Variants in AIG1 observed in about 807,000 individuals in gnomAD.
AIG1 encodes androgen induced 1, also known as androgen-induced gene 1 protein.
AIG1 carries 23 observed loss-of-function variants against 31.4 expected under a neutral mutation model. That is an observed-to-expected ratio of 0.73 (90% CI 0.53 to 1.04). The LOEUF is 1.04. Ranked by LOEUF, AIG1 falls within the 50% of genes least tolerant of loss-of-function variation. The pLI is 0.00. For synonymous variants in AIG1, 100 were observed against 110.5 expected, an observed-to-expected ratio of 0.90 and a Z score of 0.60; for missense variants, 274 against 295.0, an observed-to-expected ratio of 0.93 and a Z score of 0.52.
At chr6:143,067,766 G>C (rs573379039) in intron 1 of AIG1, among the ~76,000 whole-genome samples, 1 of 152,262 alleles carries the variant, frequency 6.6e-6, no homozygotes, top group South Asian at 2.1e-4. Flanking sequence ...AAGGCCAGTA[G>C]TTTATTGAGT....
chr6:143,291,219 T>A lies in AIG1; in HGVS notation c.515+6994T>A, dbSNP rs1397178723. 2.2e-4 allele frequency among the ~76,000 whole-genome samples: 33 copies of A among 152,174 alleles called. No homozygotes were observed. The highest frequency in any genetic ancestry group is 2.1e-3 in the Admixed American group (32 of 15,280). ...CCGCCTGTGATCCCATCATTGTACA[T>A]GTCAAAGTTTCTTGTAGATCTGGTT... On this transcript the variant is annotated intron_variant, in intron 4 of 5. Coordinates refer to ENST00000357847, the MANE Select transcript of AIG1 (RefSeq NM_016108.4). This position sits in a 1 kb window ranked among gnomAD's most constrained non-coding sequence, Gnocchi z 4.2.
At position 143,077,690 on chromosome 6, in the gene AIG1, G is replaced by T. The variant is rs576155040; in HGVS notation, c.141+16624G>T. On this transcript the variant is annotated intron_variant, in intron 1 of 5. Transcript: ENST00000357847. ...ATGGTTTTATAAGTTTACTTTGGTA[G>T]GAGTGTGCTGAGCTTCTTGAATCTC... Among the ~76,000 whole-genome samples, 20 of 152,284 alleles carry T rather than the reference G, an allele frequency of 1.3e-4. No individual in the cohort carries two copies. The South Asian group carries it at 3.9e-3, about 30-fold the overall frequency.
chr6:143,201,393 C>A (rs1790687734), intron 3 of AIG1, among the ~76,000 whole-genome samples: 1 of 151,980 alleles, frequency 6.6e-6, no homozygotes, highest in African/African-American at 2.4e-5. Flanking sequence ...AAAGGTAAAT[C>A]TTTCTGATGT....
rs528121708 is a variant in AIG1, at chr6:143,114,040, C to G, written c.142-22795C>G. On this transcript the variant is annotated intron_variant, in intron 1 of 5. Coordinates refer to ENST00000357847, the MANE Select transcript of AIG1 (RefSeq NM_016108.4). ...CCGCCTGCCTCGACCTCCCAAAGTG[C>G]TAGGATTACAGGTGTGAGCCACCGC... Among the ~76,000 whole-genome samples, 33 of 152,280 alleles carry G rather than the reference C, an allele frequency of 2.2e-4. No homozygotes were observed. The South Asian group carries it at 6.6e-3, about 31-fold the overall frequency.
intron 3 of AIG1, among the ~76,000 whole-genome samples, chr6:143,242,077 C>A (rs1220345604): frequency 6.6e-6 from 1 of 152,026 alleles, no homozygotes; most frequent in African/African-American, 2.4e-5. Flanking sequence ...TGATCTCTGT[C>A]GACACGTCTC....
At chr6:143,174,105 T>TC (rs747959617) in intron 3 of AIG1, among the ~76,000 whole-genome samples, 36 of 152,320 alleles carry the variant, frequency 2.4e-4, no homozygotes, top group Non-Finnish European at 4.4e-4. Context: ...TTTTGATATT[T>TC]CCCTGTTGAA....
At chr6:143,201,295 A>C (rs1280974824) in intron 3 of AIG1, among the ~76,000 whole-genome samples, 1 of 151,730 alleles carries the variant, frequency 6.6e-6, no homozygotes, top group Non-Finnish European at 1.5e-5. Context: ...GGAGTTCGAG[A>C]CTGTAGTGAG....
At chr6:143,263,868 A>G (rs1352463088) in intron 3 of AIG1, among the ~76,000 whole-genome samples, 2 of 152,322 alleles carry the variant, frequency 1.3e-5, no homozygotes, top group Non-Finnish European at 1.5e-5. Flanking sequence ...TAGGGAAAAT[A>G]TATTTGTTTA....
rs141359452 is a variant in AIG1 at position 143,209,551 on chromosome 6, A to T, written c.399+44368A>T. 5.9e-3 allele frequency among the ~76,000 whole-genome samples: 904 copies of T among 152,274 alleles called. 31 individuals are homozygous for T. The highest frequency in any genetic ancestry group is 0.052 in the Admixed American group (802 of 15,296). On this transcript the variant is annotated intron_variant, in intron 3 of 5. Transcript: ENST00000357847. ...TCACTGGCCATTGCTGGTTCTGAAG[A>T]TGGAGGAGGGGGCAATGAACCAAGG...
rs548759569 is a variant in AIG1 at position 143,303,246 on chromosome 6, A to C, written c.515+19021A>C. 5.8e-3 allele frequency among the ~76,000 whole-genome samples: 875 copies of C among 151,114 alleles called. 5 individuals carry two copies. Among genetic ancestry groups the C allele is most frequent in the African/African-American group, 0.019 (792 of 41,244 alleles). On this transcript the variant is annotated intron_variant, in intron 4 of 5. Transcript: ENST00000357847. ...TGAGTTTAATTAGATCCCATTTGTC[A>C]ATTTTGGCTTTTGTTGCCATTGCTT...
chr6:143,187,397 C>G (rs1309090358), intron 3 of AIG1: 2 of 1,535,454 alleles, frequency 1.3e-6, no homozygotes, highest in Non-Finnish European at 1.7e-6. Flanking sequence ...GCTATAGCAA[C>G]TAGATTCCAC....
At chr6:143,266,918 G>T (rs972100168) in intron 3 of AIG1, among the ~76,000 whole-genome samples, 1 of 151,748 alleles carries the variant, frequency 6.6e-6, no homozygotes, top group Non-Finnish European at 1.5e-5. Context: ...TCCAGCCTGG[G>T]TAAGAATTCA....
At chr6:143,307,548 G>A (rs549992464) in intron 4 of AIG1, among the ~76,000 whole-genome samples, 33 of 152,292 alleles carry the variant, frequency 2.2e-4, no homozygotes, top group East Asian at 5.8e-4. Context: ...CTGTCTGATC[G>A]TTCCTCTGGA....
chr6:143,084,276 G>T (rs377521098), intron 1 of AIG1, among the ~76,000 whole-genome samples: 1 of 152,222 alleles, frequency 6.6e-6, no homozygotes, highest in African/African-American at 2.4e-5. Context: ...CCCTGGGGCA[G>T]TGGGCCTTCC....
In AIG1 at chr6:143,328,688, C is replaced by T. The variant is rs1357668354; in HGVS notation, c.516-4594C>T. On this transcript the variant is annotated intron_variant, in intron 4 of 5. Transcript: ENST00000357847. This position sits in a 1 kb window ranked among gnomAD's most constrained non-coding sequence, Gnocchi z 4.0. ...TTCATATAAGCCATTTACTTTGTAT[C>T]ATTTGTGAGTAACAAAGCACTCAGA... Among the ~76,000 whole-genome samples, 1 of 152,096 alleles carries T rather than the reference C, an allele frequency of 6.6e-6. No homozygotes were observed. The highest frequency in any genetic ancestry group is 1.9e-4 in the East Asian group (1 of 5,200).
rs1324587880 is a variant in AIG1 at position 143,339,674 on chromosome 6, T to A, written c.715T>A (p.Ter239ArgextTer14). The A allele has an allele frequency of 3.1e-6, 5 of 1,613,194 alleles. No individual in the cohort carries two copies. The highest frequency in any genetic ancestry group is 3.4e-6 in the Non-Finnish European group (4 of 1,179,666). The change falls in exon 6 of 6, where the codon TGA becomes AGA. Residue 239 changes from the stop codon to arginine, a stop_lost. Coordinates refer to ENST00000357847, the MANE Select transcript of AIG1 (RefSeq NM_016108.4). Reference protein sequence around the residue: ...EEEKEKPKLE* With the variant: ...EEEKEKPKLER ...AGAGAAAGAAAAGCCTAAATTGGAA[T>A]GAGATCCAAGTCTAAACGCAAGAGC...
rs113606878 is a variant in AIG1 at position 143,160,921 on chromosome 6, T to C, written c.298-4161T>C. On this transcript the variant is annotated intron_variant, in intron 2 of 5. Coordinates refer to ENST00000357847, the MANE Select transcript of AIG1 (RefSeq NM_016108.4). Reference sequence around the variant, plus strand: ...AATAACCCATATAATTCCCTCAATATAAGGTAGGGATCAAAGTATTGACCA... The same window carrying C: ...AATAACCCATATAATTCCCTCAATACAAGGTAGGGATCAAAGTATTGACCA... Among the ~76,000 whole-genome samples the C allele has an allele frequency of 1.4e-3, 209 of 152,302 alleles. 2 individuals are homozygous for C. The highest frequency in any genetic ancestry group is 7.3e-3 in the South Asian group (35 of 4,822).
At chr6:143,105,712 G>A (rs2128486975) in intron 1 of AIG1, among the ~76,000 whole-genome samples, 1 of 152,360 alleles carries the variant, frequency 6.6e-6, no homozygotes, top group African/African-American at 2.4e-5. Flanking sequence ...CTGCCATGGG[G>A]CTTTGCTTTG....
chr6:143,173,037 G>T (rs1260942047), intron 3 of AIG1, among the ~76,000 whole-genome samples: 1 of 150,904 alleles, frequency 6.6e-6, no homozygotes, highest in African/African-American at 2.4e-5. Context: ...TTTATCTTTT[G>T]TATTTTTTTT....
Sources: allele counts gnomAD v4.1 joint callset (sites outside exome capture counted in the v4.1 genomes callset), GRCh38; gene constraint gnomAD v4.1.1; non-coding constraint Gnocchi (gnomAD v3.1); transcripts MANE v1.5; gene names NCBI Gene and HGNC (gene_info 2026-07-23, HGNC 2026-07-21).